Variants in CAMSAP2 observed in about 807,000 individuals in gnomAD.
The protein encoded by CAMSAP2 is calmodulin regulated spectrin associated protein family member 2.
Under a neutral mutation model 146.1 loss-of-function variants are expected in CAMSAP2, and 26 were observed. The observed-to-expected ratio is 0.18, with a 90% confidence interval of 0.13 to 0.25. CAMSAP2 has a LOEUF of 0.25. CAMSAP2 is among the 10% of genes least tolerant of loss of function. The probability of loss-of-function intolerance (pLI) is 1.00; values close to 1 mark genes in which losing one functional copy is unlikely to be tolerated. For missense variants in CAMSAP2, 1,381 were observed against 1,759.3 expected (o/e 0.78, Z 3.85); for synonymous variants, 499 against 596.6 (o/e 0.84, Z 2.38).
chr1:200,853,606 T>C lies in CAMSAP2; in HGVS notation c.3823+111T>C. 1 of 800,538 alleles carries C rather than the reference T, an allele frequency of 1.2e-6. No homozygotes were observed. The highest frequency in any genetic ancestry group is 2.6e-5 in the East Asian group (1 of 37,750). 49.6% of individuals were successfully genotyped at this position (800,538 alleles called of 1,614,324 possible). Reference sequence around the variant, plus strand: ...GCAAAATTGGATACACAGTTTGAGATTGTGCATGCTCCCTTTTGGAAAACC... The same window carrying C: ...GCAAAATTGGATACACAGTTTGAGACTGTGCATGCTCCCTTTTGGAAAACC... On this transcript the variant is annotated intron_variant, in intron 13 of 16. Coordinates refer to ENST00000358823, the MANE Select transcript of CAMSAP2 (RefSeq NM_203459.4). The surrounding 1 kb of genome is among the most constrained non-coding windows in gnomAD (Gnocchi z 5.1).
chr1:200,843,297 A>G (rs1667374509), intron 7 of CAMSAP2, among the ~76,000 whole-genome samples: 1 of 152,218 alleles, frequency 6.6e-6, no homozygotes. Flanking sequence ...AAGGGGAGGC[A>G]TAGTCTAGTG....
chr1:200,796,340 A>G (rs898090651), intron 2 of CAMSAP2, among the ~76,000 whole-genome samples: 2 of 152,210 alleles, frequency 1.3e-5, no homozygotes, highest in African/African-American at 4.8e-5. Context: ...CTGTTTTTAT[A>G]CCAGTACCGT....
chr1:200,811,919 C>T (rs1027319699), intron 3 of CAMSAP2, among the ~76,000 whole-genome samples: 1 of 152,150 alleles, frequency 6.6e-6, no homozygotes, highest in African/African-American at 2.4e-5. Flanking sequence ...ACCTCTGAAC[C>T]GTTGAACCTC....
At chr1:200,748,069 A>G (rs1488099298) in intron 1 of CAMSAP2, among the ~76,000 whole-genome samples, 2 of 151,830 alleles carry the variant, frequency 1.3e-5, no homozygotes, top group African/African-American at 4.8e-5. Flanking sequence ...GCTCTTCTCT[A>G]ATCACTGAAA....
In CAMSAP2 at chr1:200,854,891, TAA is replaced by T; in HGVS notation, c.3896+4_3896+5del. 6.2e-7 allele frequency: 1 copy of T among 1,602,052 alleles called. No homozygotes were observed. Among genetic ancestry groups the T allele is most frequent in the Non-Finnish European group, 8.5e-7 (1 of 1,171,468 alleles). ...ACATTCAGGCAAGAGGACGCCAAGG[TAA>T]ATCTATAACGTATGAATATTTTTAC... On this transcript the variant is annotated splice_donor_region_variant and intron_variant, in intron 14 of 16. Coordinates refer to ENST00000358823, the MANE Select transcript of CAMSAP2 (RefSeq NM_203459.4).
chr1:200,770,694 G>A (rs952999451), intron 2 of CAMSAP2, among the ~76,000 whole-genome samples: 11 of 152,226 alleles, frequency 7.2e-5, no homozygotes, highest in Non-Finnish European at 8.8e-5. Flanking sequence ...GATTACAGGC[G>A]TGAGCCACCG....
intron 1 of CAMSAP2, among the ~76,000 whole-genome samples, chr1:200,747,091 G>C (rs114591189): frequency 6.6e-6 from 1 of 152,050 alleles, no homozygotes; most frequent in Non-Finnish European, 1.5e-5. Context: ...TAGAGATAGG[G>C]TCTCACTGTG....
chr1:200,793,153 AG>A (rs1665799108), intron 2 of CAMSAP2, among the ~76,000 whole-genome samples: 1 of 152,174 alleles, frequency 6.6e-6, no homozygotes, highest in Non-Finnish European at 1.5e-5. Context: ...AATGATCAGC[AG>A]TTTGACTTTA....
chr1:200,752,481 A>AG (rs1267119274), intron 1 of CAMSAP2, among the ~76,000 whole-genome samples: 2 of 152,188 alleles, frequency 1.3e-5, no homozygotes, highest in Non-Finnish European at 2.9e-5. Flanking sequence ...AAGAAAAAAA[A>AG]TTGGGAAATT....
At chr1:200,778,000 G>C (rs1665328410) in intron 2 of CAMSAP2, among the ~76,000 whole-genome samples, 1 of 152,200 alleles carries the variant, frequency 6.6e-6, no homozygotes, top group Non-Finnish European at 1.5e-5. Context: ...CACTTTGGGA[G>C]GCTAAGGCCA....
At chr1:200,809,160 A>G (rs186069547) in intron 3 of CAMSAP2, among the ~76,000 whole-genome samples, 2 of 152,242 alleles carry the variant, frequency 1.3e-5, no homozygotes, top group East Asian at 3.9e-4. Flanking sequence ...CTGTCAGCTA[A>G]ATTTGCCTTA....
chr1:200,855,398 A>G (rs146066421), intron 14 of CAMSAP2, among the ~76,000 whole-genome samples: 9 of 152,200 alleles, frequency 5.9e-5, no homozygotes, highest in Middle Eastern at 3.4e-3. Flanking sequence ...CTATAATATC[A>G]TATCAGAAAA....
At chr1:200,757,323 T>A (rs1188736698) in intron 1 of CAMSAP2, among the ~76,000 whole-genome samples, 1 of 152,212 alleles carries the variant, frequency 6.6e-6, no homozygotes, top group Non-Finnish European at 1.5e-5. Context: ...CTGTCTCTGC[T>A]CCCTCTACCT....
In CAMSAP2 at chr1:200,849,279, T is replaced by C; in HGVS notation, c.2510T>C (p.Ile837Thr). The C allele has an allele frequency of 6.2e-7, 1 of 1,613,892 alleles. No homozygotes were observed. Among genetic ancestry groups the C allele is most frequent in the South Asian group, 1.1e-5 (1 of 91,080 alleles). ...CAAAGGAGCAAGTCACTGGCAGATATAAAAGAGAGCATGGAGAATCCTCAA... is the reference window on the plus strand; with the variant it reads ...CAAAGGAGCAAGTCACTGGCAGATACAAAAGAGAGCATGGAGAATCCTCAA... ...DGQRSKSLAD[I>T]KESMENPQAK... Residue 837 changes from isoleucine to threonine, a missense_variant, in exon 11 of 17, where the codon ATA (isoleucine) becomes ACA (threonine). Transcript: ENST00000358823. This position sits in a 1 kb window ranked among gnomAD's most constrained non-coding sequence, Gnocchi z 6.3.
chr1:200,763,526 G>C (rs986456694), intron 2 of CAMSAP2, among the ~76,000 whole-genome samples: 1 of 152,022 alleles, frequency 6.6e-6, no homozygotes, highest in Non-Finnish European at 1.5e-5. Flanking sequence ...CTGGGCGACA[G>C]AGTGAGACTT....
At chr1:200,820,181 C>A (rs1666712418) in intron 4 of CAMSAP2, among the ~76,000 whole-genome samples, 10 of 152,116 alleles carry the variant, frequency 6.6e-5, no homozygotes, top group African/African-American at 2.4e-4. Context: ...GTGCCTCAGC[C>A]TCCCTAGTAG....
At chr1:200,756,054 G>A (rs1351736959) in intron 1 of CAMSAP2, among the ~76,000 whole-genome samples, 6 of 152,186 alleles carry the variant, frequency 3.9e-5, no homozygotes, top group Non-Finnish European at 7.3e-5. Context: ...GCGGCCTGGG[G>A]AAAGTGGAGG....
At chr1:200,783,405 GTTAT>G (rs1299312233) in intron 2 of CAMSAP2, among the ~76,000 whole-genome samples, 1 of 152,092 alleles carries the variant, frequency 6.6e-6, no homozygotes, top group African/African-American at 2.4e-5. Context: ...TACTGTAGGA[GTTAT>G]TTATACTGAA....
intron 3 of CAMSAP2, among the ~76,000 whole-genome samples, chr1:200,813,719 A>G (rs1040103666): frequency 1.3e-5 from 2 of 152,302 alleles, no homozygotes; most frequent in Middle Eastern, 3.4e-3. Context: ...CTCAGTGGGG[A>G]AAAAAATAAA....
Sources: gnomAD v4.1 joint callset for allele counts (sites outside exome capture counted in the v4.1 genomes callset) on GRCh38, gnomAD v4.1.1 for gene constraint, Gnocchi (gnomAD v3.1) non-coding constraint, MANE v1.5 for transcripts, NCBI Gene and HGNC (gene_info 2026-07-23, HGNC 2026-07-21) for gene names.